The following R3HDM1 variants were observed in gnomAD, a reference collection of about 807,000 sequenced individuals.
R3HDM1 encodes the protein R3H domain containing 1.
R3HDM1 carries 46 observed loss-of-function variants against 141.1 expected under a neutral mutation model. That is an observed-to-expected ratio of 0.33 (90% CI 0.26 to 0.42). The LOEUF (loss-of-function observed/expected upper bound fraction) is 0.42. Ranked by LOEUF, R3HDM1 falls within the 10% of genes least tolerant of loss-of-function variation. The pLI, the probability that R3HDM1 is intolerant of heterozygous loss-of-function variation, is 1.00. For missense variants in R3HDM1, 1,184 were observed against 1,368.3 expected (o/e 0.87, Z 2.12); for synonymous variants, 435 against 472.9 (o/e 0.92, Z 1.04).
At chr2:135,708,025 C>T (rs926981057) in intron 21 of R3HDM1, among the ~76,000 whole-genome samples, 3 of 152,096 alleles carry the variant, frequency 2.0e-5, no homozygotes, top group African/African-American at 7.2e-5. Flanking sequence ...TAAATATAAA[C>T]AGAAGTATAC....
intron 24 of R3HDM1, among the ~76,000 whole-genome samples, chr2:135,716,964 A>C (rs2076215879): frequency 8.0e-5 from 1 of 12,472 alleles, no homozygotes; most frequent in Non-Finnish European, 2.1e-4. Flanking sequence ...AACAAAAAAC[A>C]AACAAAAAAA....
At chr2:135,577,055 A>G in intron 1 of R3HDM1, 1 of 904,838 alleles carries the variant, frequency 1.1e-6, no homozygotes, top group Non-Finnish European at 1.3e-6. Flanking sequence ...AAAAAAAAAA[A>G]ACCTCCAAAC....
chr2:135,659,088 T>TGTGTGTGTGTGTGTGTG (rs2066321418), intron 18 of R3HDM1, among the ~76,000 whole-genome samples: 1 of 151,084 alleles, frequency 6.6e-6, no homozygotes, highest in South Asian at 2.1e-4. Flanking sequence ...TGTGTGTGTG[T>TGTGTGTGTGTGTGTGTG]TTGGTTTGGA....
chr2:135,556,421 A>G (rs1468490802), intron 1 of R3HDM1, among the ~76,000 whole-genome samples: 1 of 152,212 alleles, frequency 6.6e-6, no homozygotes, highest in Non-Finnish European at 1.5e-5. Flanking sequence ...AAAACACTAG[A>G]ACATATATGA....
At chr2:135,581,515 A>G (rs1239887940) in intron 1 of R3HDM1, 1 of 534,078 alleles carries the variant, frequency 1.9e-6, no homozygotes, top group Admixed American at 6.4e-5. Context: ...CTCACCACTT[A>G]TTAATAGTAT....
At chr2:135,691,450 C>CA (rs1465948812) in intron 21 of R3HDM1, among the ~76,000 whole-genome samples, 8 of 151,466 alleles carry the variant, frequency 5.3e-5, no homozygotes, top group Non-Finnish European at 1.2e-4. Context: ...CCCATCTCTG[C>CA]AAAAAATACA....
At chr2:135,630,808 ATTTT>A (rs148434092) in intron 7 of R3HDM1, among the ~76,000 whole-genome samples, 1 of 149,764 alleles carries the variant, frequency 6.7e-6, no homozygotes, top group East Asian at 2.0e-4. Context: ...TGTAAGTTAC[ATTTT>A]TTTTTTCACA....
rs543678638 is a variant in R3HDM1 at position 135,583,747 on chromosome 2, C to T, written c.-249-18753C>T. On this transcript the variant is annotated intron_variant, in intron 1 of 26. Coordinates refer to ENST00000683871, the MANE Select transcript of R3HDM1 (RefSeq NM_001378107.1). The stretch of plus-strand genomic sequence containing the variant: ...GGATTAGGTTCAAATGTTGTCTTTA[C>T]CTGTAAAGGTTGAGATCTTTAAAAA... 3.0e-6 allele frequency: 3 copies of T among 985,258 alleles called. No homozygotes were observed. The East Asian group carries it at 3.4e-4, about 112-fold the overall frequency. 61.0% of individuals were successfully genotyped at this position (985,258 alleles called of 1,614,324 possible). A position where few individuals can be genotyped will look rare whatever the true frequency, so the allele number is the denominator to read the frequency against.
chr2:135,651,124 T>C, intron 17 of R3HDM1: 6 of 985,430 alleles, frequency 6.1e-6, no homozygotes, highest in Non-Finnish European at 7.2e-6. Context: ...ATTTGTCAAA[T>C]TATCTGACTT....
At chr2:135,629,142 C>T (rs377153985) in intron 7 of R3HDM1, among the ~76,000 whole-genome samples, 1 of 151,892 alleles carries the variant, frequency 6.6e-6, no homozygotes, top group African/African-American at 2.4e-5. Context: ...TGTGGTGAAA[C>T]CCTGTGACTA....
At chr2:135,562,007 T>C (rs530611485) in intron 1 of R3HDM1, among the ~76,000 whole-genome samples, 2 of 152,284 alleles carry the variant, frequency 1.3e-5, no homozygotes, top group South Asian at 4.1e-4. Context: ...ATTGACAAAG[T>C]TAGTCTAGAG....
At chr2:135,574,315 A>G (rs1378570851) in intron 1 of R3HDM1, among the ~76,000 whole-genome samples, 1 of 152,244 alleles carries the variant, frequency 6.6e-6, no homozygotes, top group Non-Finnish European at 1.5e-5. Context: ...GAGTTAGAGA[A>G]GTTGAAGAGA....
In R3HDM1 at chr2:135,584,157, A is replaced by G. The variant is rs936686573; in HGVS notation, c.-249-18343A>G. On this transcript the variant is annotated intron_variant, in intron 1 of 26. Transcript: ENST00000683871. ...AGCCTGGCCAACATGGTGAAACACC[A>G]TCTCTAATAAAAATATAAATATTAA... The G allele has an allele frequency of 1.8e-5, 12 of 663,760 alleles. No homozygotes were observed. The Admixed American group carries it at 5.7e-4, about 31-fold the overall frequency. 41.1% of individuals were successfully genotyped at this position (663,760 alleles called of 1,614,324 possible). A position where few individuals can be genotyped will look rare whatever the true frequency, so the allele number is the denominator to read the frequency against.
chr2:135,573,949 T>C (rs1704755020), intron 1 of R3HDM1, among the ~76,000 whole-genome samples: 1 of 152,014 alleles, frequency 6.6e-6, no homozygotes, highest in Admixed American at 6.6e-5. Flanking sequence ...GAATTAAATT[T>C]CCAGCTCAAA....
chr2:135,617,628 A>T (rs1167236123), intron 5 of R3HDM1, among the ~76,000 whole-genome samples: 1 of 152,046 alleles, frequency 6.6e-6, no homozygotes, highest in African/African-American at 2.4e-5. Flanking sequence ...ATTCTTTTTA[A>T]TGCTATGACT....
At chr2:135,581,835 G>A (rs1306991786) in intron 1 of R3HDM1, among the ~76,000 whole-genome samples, 1 of 151,956 alleles carries the variant, frequency 6.6e-6, no homozygotes, top group Non-Finnish European at 1.5e-5. Flanking sequence ...CTAAATTATT[G>A]TAAAATCTCT....
chr2:135,614,747 C>T (rs1288881742), intron 3 of R3HDM1, among the ~76,000 whole-genome samples: 1 of 151,992 alleles, frequency 6.6e-6, no homozygotes, highest in Non-Finnish European at 1.5e-5. Context: ...ATTATTTTCC[C>T]TTCTGCTTCT....
Position 135,722,536 on chromosome 2 carries a change from T to G in R3HDM1, c.3032T>G (p.Leu1011Arg). ...GCTAAAAAAGCTGCATCCACAGACC[T>G]TGGAGCAGGAGAAACAGGTATGTCT... Reference protein sequence around the residue: ...RQAKKAASTDLGAGETVVGKV... With the variant: ...RQAKKAASTDRGAGETVVGKV... The change falls in exon 26 of 27, where the codon CTT (leucine) becomes CGT (arginine). Residue 1011 changes from leucine to arginine, a missense_variant. By Grantham distance (102) the Leu-to-Arg change is moderately radical. Transcript: ENST00000683871. The G allele has an allele frequency of 7.4e-6, 12 of 1,613,126 alleles. No homozygotes were observed. The highest frequency in any genetic ancestry group is 1.0e-5 in the Non-Finnish European group (12 of 1,179,820).
intron 1 of R3HDM1, among the ~76,000 whole-genome samples, chr2:135,572,196 G>C (rs375540996): frequency 6.6e-6 from 1 of 151,978 alleles, no homozygotes; most frequent in Admixed American, 6.6e-5. Context: ...GACCTCAAGT[G>C]ACCCAACCTT....
Sources: gnomAD v4.1 joint callset for allele counts (sites outside exome capture counted in the v4.1 genomes callset) on GRCh38, gnomAD v4.1.1 for gene constraint, MANE v1.5 for transcripts, NCBI Gene and HGNC (gene_info 2026-07-23, HGNC 2026-07-21) for gene names.